Variants in ANKH observed in about 807,000 individuals in gnomAD.
ANKH encodes the protein mineralization regulator ANKH.
In ANKH, 15 loss-of-function variants were observed where a neutral mutation model predicts 49.0. The ratio of observed to expected loss-of-function variants is 0.31; its 90% confidence interval spans 0.20 to 0.47. The LOEUF (loss-of-function observed/expected upper bound fraction) is 0.47, where lower values mean the gene tolerates loss of function less well. Among genes scored for constraint, ANKH ranks in the 20% least tolerant of loss-of-function variants. ANKH has a pLI of 1.00. For missense variants in ANKH, 429 were observed against 652.0 expected, an observed-to-expected ratio of 0.66 and a Z score of 3.72; for synonymous variants, 273 against 260.0, an observed-to-expected ratio of 1.05 and a Z score of -0.48.
chr5:14,871,459 T>G lies in ANKH; in HGVS notation c.-12A>C. ...GGGAATTTCACCATAGTCCCCGCCG[T>G]GGGCTGACCCCACACACATCTGCTG... is the stretch of plus-strand genomic sequence containing the variant. On this transcript the variant is annotated 5_prime_UTR_variant, in exon 1 of 12. Transcript: ENST00000284268. The G allele has an allele frequency of 6.2e-7, 1 of 1,608,174 alleles. No homozygotes were observed. The highest frequency in any genetic ancestry group is 8.5e-7 in the Non-Finnish European group (1 of 1,176,492).
intron 2 of ANKH, among the ~76,000 whole-genome samples, chr5:14,760,437 C>T (rs1739039048): frequency 6.6e-6 from 1 of 152,194 alleles, no homozygotes; most frequent in Non-Finnish European, 1.5e-5. Flanking sequence ...GCTAAGCTGG[C>T]TGAAACACAA....
At chr5:14,866,759 T>C (rs960051158) in intron 1 of ANKH, among the ~76,000 whole-genome samples, 1 of 152,204 alleles carries the variant, frequency 6.6e-6, no homozygotes, top group Non-Finnish European at 1.5e-5. Context: ...TAAAATAAGA[T>C]ACAGTGTTGA....
chr5:14,856,622 T>TCTGG (rs1554010763), intron 1 of ANKH, among the ~76,000 whole-genome samples: 1 of 151,484 alleles, frequency 6.6e-6, no homozygotes, highest in Non-Finnish European at 1.5e-5. Context: ...CCATTTCCCC[T>TCTGG]CTCCTTTTCT....
chr5:14,841,306 T>G (rs901678705), intron 1 of ANKH, among the ~76,000 whole-genome samples: 9 of 150,100 alleles, frequency 6.0e-5, no homozygotes. Flanking sequence ...TTTATTTTGT[T>G]TTTTTTTTTA....
chr5:14,753,137 G>A (rs1008223137), intron 4 of ANKH, among the ~76,000 whole-genome samples: 1 of 152,104 alleles, frequency 6.6e-6, no homozygotes, highest in African/African-American at 2.4e-5. Context: ...AGAATTGGGA[G>A]GATGCAGGGT....
At chr5:14,740,939 C>G (rs16903680) in intron 8 of ANKH, among the ~76,000 whole-genome samples, 36 of 152,102 alleles carry the variant, frequency 2.4e-4, no homozygotes, top group African/African-American at 8.7e-4. Flanking sequence ...AAGTTTCTAC[C>G]GGATTTAATA....
chr5:14,744,181 G>C (rs2126471488), intron 7 of ANKH, among the ~76,000 whole-genome samples: 1 of 152,328 alleles, frequency 6.6e-6, no homozygotes, highest in Non-Finnish European at 1.5e-5. Context: ...TCCAGCAAGT[G>C]ACTCATGCCT....
rs1408732790 is a variant in ANKH, at chr5:14,709,301, A to G, written c.*1896T>C. ...GTAATGTCCTTTAAAAAAAGCTGAT[A>G]CATTGAGATTTTTTTTTAATCTTCT... On this transcript the variant is annotated 3_prime_UTR_variant, in exon 12 of 12. Coordinates refer to ENST00000284268, the MANE Select transcript of ANKH (RefSeq NM_054027.6). 1 of 70,070 alleles carries G rather than the reference A, an allele frequency of 1.4e-5. No individual in the cohort carries two copies. The highest frequency in any genetic ancestry group is 3.4e-5 in the African/African-American group (1 of 29,748). 4.3% of individuals were successfully genotyped at this position (70,070 alleles called of 1,614,324 possible).
chr5:14,856,818 A>T (rs1735278209), intron 1 of ANKH, among the ~76,000 whole-genome samples: 1 of 152,186 alleles, frequency 6.6e-6, no homozygotes, highest in South Asian at 2.1e-4. Context: ...GAGTCAGACA[A>T]GCCTGGCTCC....
intron 2 of ANKH, 91 bp from the exon 3 acceptor site, chr5:14,758,689 T>A (rs1738980446): frequency 2.0e-6 from 2 of 993,052 alleles, no homozygotes; most frequent in South Asian, 2.6e-5. Flanking sequence ...CAATTTTAAA[T>A]GTAGTATTTG....
chr5:14,762,836 C>T (rs1026327864), intron 2 of ANKH, among the ~76,000 whole-genome samples: 10 of 152,148 alleles, frequency 6.6e-5, no homozygotes, highest in Admixed American at 1.3e-4. Flanking sequence ...TTCTATAAAC[C>T]GCCTTACCAA....
intron 2 of ANKH, among the ~76,000 whole-genome samples, chr5:14,759,058 G>A (rs1738990780): frequency 6.6e-6 from 1 of 152,180 alleles, no homozygotes; most frequent in Non-Finnish European, 1.5e-5. Context: ...GAAGCTAAAT[G>A]TTTACACATA....
chr5:14,846,013 G>A (rs1313621510), intron 1 of ANKH, among the ~76,000 whole-genome samples: 2 of 151,612 alleles, frequency 1.3e-5, no homozygotes, highest in African/African-American at 2.4e-5. Context: ...CTGCCACCAC[G>A]CCCGGCAAAT....
chr5:14,792,150 G>C (rs1472386370), intron 1 of ANKH, among the ~76,000 whole-genome samples: 1 of 152,202 alleles, frequency 6.6e-6, no homozygotes, highest in Non-Finnish European at 1.5e-5. Flanking sequence ...GAGAGGAACA[G>C]AGGCTGGCTC....
intron 1 of ANKH, chr5:14,869,943 T>G (rs1198294192): frequency 6.6e-6 from 1 of 152,094 alleles, no homozygotes. Flanking sequence ...AAATGGGCAA[T>G]GTAGTAAATT....
chr5:14,799,318 A>T (rs534807710), intron 1 of ANKH, among the ~76,000 whole-genome samples: 1 of 152,372 alleles, frequency 6.6e-6, no homozygotes, highest in Non-Finnish European at 1.5e-5. Context: ...GCAAGTGCTT[A>T]TGTAGGAGCT....
intron 1 of ANKH, chr5:14,798,250 G>A: frequency 3.1e-6 from 5 of 1,605,230 alleles, no homozygotes; most frequent in Non-Finnish European, 4.3e-6. Flanking sequence ...GTTACATCTG[G>A]AAGCCACTGG....
chr5:14,744,711 C>T (rs1206194983), intron 7 of ANKH, among the ~76,000 whole-genome samples: 2 of 152,202 alleles, frequency 1.3e-5, no homozygotes, highest in Admixed American at 6.5e-5. Context: ...GGGGGGATGC[C>T]CTTGGGCCAG....
At chr5:14,826,575 A>C (rs1164026133) in intron 1 of ANKH, among the ~76,000 whole-genome samples, 1 of 152,214 alleles carries the variant, frequency 6.6e-6, no homozygotes, top group Non-Finnish European at 1.5e-5. Context: ...TTATTAAATA[A>C]GATCAAATAA....
Sources: gnomAD v4.1 joint callset for allele counts (sites outside exome capture counted in the v4.1 genomes callset) on GRCh38, gnomAD v4.1.1 for gene constraint, MANE v1.5 for transcripts, NCBI Gene and HGNC (gene_info 2026-07-23, HGNC 2026-07-21) for gene names.